Variants in CELF4 observed in about 807,000 individuals in gnomAD.
CELF4 encodes CUGBP Elav-like family member 4, also known as CUG-BP- and ETR-3-like factor 4.
CELF4 carries 18 observed loss-of-function variants against 59.9 expected under a neutral mutation model. That is an observed-to-expected ratio of 0.30 (90% CI 0.21 to 0.45). The LOEUF (loss-of-function observed/expected upper bound fraction) is 0.45, where lower values mean the gene tolerates loss of function less well. CELF4 is among the 20% of genes least tolerant of loss of function. The pLI, the probability that CELF4 is intolerant of heterozygous loss-of-function variation, is 1.00. For missense variants in CELF4, 456 were observed against 689.0 expected (o/e 0.66, Z 3.79); for synonymous variants, 261 against 267.1 (o/e 0.98, Z 0.22).
chr18:37,459,382 T>A (rs1175682369), intron 2 of CELF4, among the ~76,000 whole-genome samples: 1 of 152,218 alleles, frequency 6.6e-6, no homozygotes, highest in East Asian at 1.9e-4. Context: ...TCATCTCTTT[T>A]GCTCAGAGCT....
At chr18:37,398,464 A>G (rs2099273598) in intron 2 of CELF4, among the ~76,000 whole-genome samples, 1 of 152,226 alleles carries the variant, frequency 6.6e-6, no homozygotes, top group South Asian at 2.1e-4. Context: ...CTTGAGGAGC[A>G]GACATCCTGC....
chr18:37,498,111 G>A (rs1454041803), intron 1 of CELF4, among the ~76,000 whole-genome samples: 2 of 152,166 alleles, frequency 1.3e-5, no homozygotes, highest in Non-Finnish European at 2.9e-5. Flanking sequence ...TGGCCTTAAG[G>A]GAAGGGTGTG....
At chr18:37,272,240 T>A (rs1024229943) in intron 7 of CELF4, among the ~76,000 whole-genome samples, 2 of 152,188 alleles carry the variant, frequency 1.3e-5, no homozygotes, top group African/African-American at 4.8e-5. Context: ...TGGGGCCAGA[T>A]AGTTCCTTGT....
chr18:37,266,480 T>G, intron 9 of CELF4, 53 bp downstream of exon 9: 6 of 1,502,676 alleles, frequency 4.0e-6, no homozygotes, highest in Non-Finnish European at 5.5e-6. Flanking sequence ...GTCACAGGCG[T>G]GGAGAGATAA....
At chr18:37,561,378 T>C (rs149911324) in intron 1 of CELF4, among the ~76,000 whole-genome samples, 25 of 152,320 alleles carry the variant, frequency 1.6e-4, no homozygotes, top group African/African-American at 4.8e-4. Flanking sequence ...GTTTAAACCT[T>C]TGGGGACAGC....
At chr18:37,477,631 C>T in intron 2 of CELF4, among the ~76,000 whole-genome samples, 1 of 152,182 alleles carries the variant, frequency 6.6e-6, no homozygotes, top group East Asian at 1.9e-4. Context: ...CCATCTCTCT[C>T]ATCTGAACTC....
chr18:37,500,816 G>A (rs2099930924), intron 1 of CELF4, among the ~76,000 whole-genome samples: 1 of 152,154 alleles, frequency 6.6e-6, no homozygotes, highest in African/African-American at 2.4e-5. Flanking sequence ...TTACAGGTGT[G>A]AGCCACCACA....
intron 2 of CELF4, among the ~76,000 whole-genome samples, chr18:37,463,423 T>C (rs1171567039): frequency 6.6e-6 from 1 of 152,202 alleles, no homozygotes; most frequent in Non-Finnish European, 1.5e-5. Context: ...AGATCTCTCA[T>C]TTCATGGGGT....
chr18:37,415,662 T>G (rs919308291), intron 2 of CELF4, among the ~76,000 whole-genome samples: 1 of 152,226 alleles, frequency 6.6e-6, no homozygotes, highest in African/African-American at 2.4e-5. Flanking sequence ...TTTGACATAA[T>G]GCCTTGGCAG....
chr18:37,347,334 G>A (rs1160301078), intron 2 of CELF4, among the ~76,000 whole-genome samples: 2 of 152,100 alleles, frequency 1.3e-5, no homozygotes, highest in African/African-American at 4.8e-5. Flanking sequence ...CGAGGCCCTT[G>A]TGTGGGAGAT....
At chr18:37,283,248 G>A (rs903343730) in intron 3 of CELF4, among the ~76,000 whole-genome samples, 2 of 151,846 alleles carry the variant, frequency 1.3e-5, no homozygotes, top group Admixed American at 1.3e-4. Context: ...CAGGCATGAC[G>A]GTCACCTTCT....
chr18:37,439,012 T>A (rs1305304619), intron 2 of CELF4, among the ~76,000 whole-genome samples: 1 of 152,182 alleles, frequency 6.6e-6, no homozygotes, highest in Non-Finnish European at 1.5e-5. Context: ...CTCAGTGATC[T>A]GGGAAATTGC....
intron 1 of CELF4, among the ~76,000 whole-genome samples, chr18:37,536,308 T>C (rs1449231855): frequency 6.6e-6 from 1 of 152,030 alleles, no homozygotes; most frequent in African/African-American, 2.4e-5. Flanking sequence ...AGGCTTGTGG[T>C]CTTCAGAGTC....
intron 2 of CELF4, among the ~76,000 whole-genome samples, chr18:37,330,168 C>A (rs2097488345): frequency 6.6e-6 from 1 of 152,200 alleles, no homozygotes; most frequent in Non-Finnish European, 1.5e-5. Context: ...AGACCCCGCC[C>A]TCCACCAGAA....
At position 37,328,567 on chromosome 18, in the gene CELF4, C is replaced by T. The variant is rs961594083; in HGVS notation, c.370-6686G>A. ...CAGATTCATATCTTCCCCAAACAGA[C>T]ATAATTTGCAGCCTTCACCAGGAAG... On this transcript the variant is annotated intron_variant, in intron 2 of 12. Transcript: ENST00000420428. Among the ~76,000 whole-genome samples, 6 of 152,320 alleles carry T rather than the reference C, an allele frequency of 3.9e-5. No individual in the cohort carries two copies. In the South Asian group the frequency reaches 1.2e-3, roughly 32 times the overall value.
In CELF4 at chr18:37,385,014, T is replaced by C. The variant is rs572354278; in HGVS notation, c.370-63133A>G. Among the ~76,000 whole-genome samples the C allele has an allele frequency of 1.5e-4, 23 of 152,312 alleles. No individual in the cohort carries two copies. In the South Asian group the frequency reaches 2.9e-3, roughly 19 times the overall value. ...CTTTGTCCTCATAAATACACACTTA[T>C]ATTTGTCAGGCTGTGTGTCTGATTT... On this transcript the variant is annotated intron_variant, in intron 2 of 12. Transcript: ENST00000420428.
intron 3 of CELF4, among the ~76,000 whole-genome samples, chr18:37,289,231 C>T (rs1363699098): frequency 1.3e-5 from 2 of 152,072 alleles, no homozygotes; most frequent in African/African-American, 4.8e-5. Context: ...AAGAGTTTGC[C>T]ATGCTGCAGT....
At chr18:37,321,090 G>A (rs1035450552) in intron 3 of CELF4, among the ~76,000 whole-genome samples, 10 of 152,274 alleles carry the variant, frequency 6.6e-5, no homozygotes, top group Admixed American at 6.5e-4. Context: ...TGGGATGGGG[G>A]GGGCAGTACA....
intron 1 of CELF4, among the ~76,000 whole-genome samples, chr18:37,550,662 C>T (rs1170163720): frequency 6.6e-6 from 1 of 152,270 alleles, no homozygotes; most frequent in African/African-American, 2.4e-5. Context: ...CGTCCGCTGG[C>T]TGCCTGGGTC....
Sources: gnomAD v4.1 joint callset for allele counts (sites outside exome capture counted in the v4.1 genomes callset) on GRCh38, gnomAD v4.1.1 for gene constraint, MANE v1.5 for transcripts, NCBI Gene and HGNC (gene_info 2026-07-23, HGNC 2026-07-21) for gene names.